The following KCNQ5 variants were observed in gnomAD, a reference collection of about 807,000 sequenced individuals.
KCNQ5 encodes potassium voltage-gated channel subfamily Q member 5, also known as potassium voltage-gated channel subfamily KQT member 5.
A neutral mutation model predicts 98.2 loss-of-function variants in KCNQ5; 30 were observed. The ratio of observed to expected loss-of-function variants is 0.31; its 90% confidence interval spans 0.23 to 0.41. The LOEUF is 0.41. KCNQ5 is among the 10% of genes least tolerant of loss of function. KCNQ5 has a pLI of 1.00. For synonymous variants in KCNQ5, 458 were observed against 449.4 expected (o/e 1.02, Z -0.24); for missense variants, 835 against 1,182.5 (o/e 0.71, Z 4.31).
intron 1 of KCNQ5, among the ~76,000 whole-genome samples, chr6:72,896,935 T>TTGGTTG: frequency 6.7e-6 from 1 of 149,718 alleles, no homozygotes; most frequent in African/African-American, 2.6e-5. Flanking sequence ...GTTTTTTGTT[T>TTGGTTG]GTTTGTTGGT....
chr6:72,915,339 G>A (rs1780089779), intron 1 of KCNQ5, among the ~76,000 whole-genome samples: 2 of 152,072 alleles, frequency 1.3e-5, no homozygotes, highest in South Asian at 2.1e-4. Context: ...TGCTTATACA[G>A]TCTGGCTTCA....
In KCNQ5 at chr6:73,086,885, G is replaced by C. The variant is rs147422028; in HGVS notation, c.918+8998G>C. ...GACCTGAAGGATGAAAAGGAGCCCT[G>C]GGAAGAGTGAGGAAAATGGCAATTC... On this transcript the variant is annotated intron_variant, in intron 5 of 13. Transcript: ENST00000370398. Among the ~76,000 whole-genome samples, 281 of 152,264 alleles carry C rather than the reference G, an allele frequency of 1.8e-3. 6 individuals carry two copies. In the East Asian group the frequency reaches 0.044, roughly 24 times the overall value.
At chr6:72,827,519 T>C (rs1468901225) in intron 1 of KCNQ5, among the ~76,000 whole-genome samples, 3 of 152,158 alleles carry the variant, frequency 2.0e-5, no homozygotes, top group Admixed American at 6.6e-5. Context: ...TGGCCATTTG[T>C]ATATCTTCCT....
At position 72,622,622 on chromosome 6, in the gene KCNQ5, G is replaced by A; in HGVS notation, c.398+35G>A. The A allele has an allele frequency of 6.2e-7, 1 of 1,608,106 alleles. No individual in the cohort carries two copies. Among genetic ancestry groups the A allele is most frequent in the South Asian group, 1.1e-5 (1 of 90,434 alleles). On this transcript the variant is annotated intron_variant, in intron 1 of 13. Transcript: ENST00000370398. This position sits in a 1 kb window ranked among gnomAD's most constrained non-coding sequence, Gnocchi z 6.0. ...CGCGCCCCCTGCTATGCCCGCTGCAGGGGACCACTGTCCCTGGCCCCCTGG... is the reference window on the plus strand; with the variant it reads ...CGCGCCCCCTGCTATGCCCGCTGCAAGGGACCACTGTCCCTGGCCCCCTGG...
intron 1 of KCNQ5, among the ~76,000 whole-genome samples, chr6:72,696,093 A>C (rs1331105151): frequency 6.6e-6 from 1 of 152,192 alleles, no homozygotes; most frequent in East Asian, 1.9e-4. Flanking sequence ...ATTTGGGAGA[A>C]TGTATATCCT....
intron 1 of KCNQ5, among the ~76,000 whole-genome samples, chr6:72,796,933 A>T (rs1774366260): frequency 6.6e-6 from 1 of 152,220 alleles, no homozygotes; most frequent in Non-Finnish European, 1.5e-5. Context: ...TCTCAGGCAG[A>T]TGAGTCCCTA....
chr6:72,947,348 A>G (rs555745389), intron 1 of KCNQ5, among the ~76,000 whole-genome samples: 2 of 152,306 alleles, frequency 1.3e-5, no homozygotes, highest in Admixed American at 6.5e-5. Flanking sequence ...ATCATCATCA[A>G]AAAATATTTA....
chr6:73,103,660 T>G (rs1774887460), intron 5 of KCNQ5, among the ~76,000 whole-genome samples: 1 of 151,572 alleles, frequency 6.6e-6, no homozygotes. Flanking sequence ...ACAGTTAAAC[T>G]CACAAAGATA....
At chr6:73,038,843 A>G (rs561908672) in intron 2 of KCNQ5, among the ~76,000 whole-genome samples, 82 of 152,194 alleles carry the variant, frequency 5.4e-4, no homozygotes, top group African/African-American at 1.9e-3. Context: ...TTTTGGTGTC[A>G]GGATAATACT....
chr6:72,704,265 C>T (rs1768964164), intron 1 of KCNQ5, among the ~76,000 whole-genome samples: 1 of 152,010 alleles, frequency 6.6e-6, no homozygotes, highest in Non-Finnish European at 1.5e-5. Context: ...ACAGTAAAAT[C>T]ATGTTAAATT....
At chr6:72,831,123 G>T (rs142445464) in intron 1 of KCNQ5, among the ~76,000 whole-genome samples, 4 of 151,978 alleles carry the variant, frequency 2.6e-5, no homozygotes, top group African/African-American at 4.8e-5. Flanking sequence ...ATTTTTACAC[G>T]GTTGGTGAGA....
chr6:72,782,541 ATGAATTAAT>A (rs1773540597), intron 1 of KCNQ5, among the ~76,000 whole-genome samples: 2 of 152,184 alleles, frequency 1.3e-5, no homozygotes, highest in African/African-American at 4.8e-5. Context: ...TGTTGTTTTG[ATGAATTAAT>A]CATATTAGGA....
At chr6:72,831,736 A>T (rs1007881253) in intron 1 of KCNQ5, among the ~76,000 whole-genome samples, 40 of 132,804 alleles carry the variant, frequency 3.0e-4, no homozygotes, top group South Asian at 8.8e-4. Flanking sequence ...AATTTAAAAA[A>T]AAAATAAAAT....
intron 1 of KCNQ5, among the ~76,000 whole-genome samples, chr6:72,730,940 T>C (rs1770523165): frequency 7.7e-6 from 1 of 129,196 alleles, no homozygotes; most frequent in South Asian, 2.4e-4. Flanking sequence ...AAGAACATAG[T>C]ACGCATTTCT....
intron 1 of KCNQ5, among the ~76,000 whole-genome samples, chr6:72,920,589 CT>C (rs1582018898): frequency 6.6e-6 from 1 of 152,256 alleles, no homozygotes; most frequent in East Asian, 1.9e-4. Context: ...AAACTCAAAC[CT>C]TTAACATTTT....
At chr6:72,796,171 CATT>C (rs1182449920) in intron 1 of KCNQ5, among the ~76,000 whole-genome samples, 2 of 151,892 alleles carry the variant, frequency 1.3e-5, no homozygotes, top group Non-Finnish European at 2.9e-5. Flanking sequence ...ATAGGCAAGT[CATT>C]ATTAAATATA....
At chr6:72,658,702 T>TC (rs1190949727) in intron 1 of KCNQ5, among the ~76,000 whole-genome samples, 1 of 150,238 alleles carries the variant, frequency 6.7e-6, no homozygotes, top group Non-Finnish European at 1.5e-5. Flanking sequence ...TGACTCAGCC[T>TC]CCCAAGTAGC....
chr6:72,902,815 G>A (rs1719399921), intron 1 of KCNQ5, among the ~76,000 whole-genome samples: 1 of 152,022 alleles, frequency 6.6e-6, no homozygotes, highest in Non-Finnish European at 1.5e-5. Context: ...TTTTGGTTAT[G>A]TCCTTTCCTG....
intron 1 of KCNQ5, among the ~76,000 whole-genome samples, chr6:72,820,807 A>G (rs1190500023): frequency 6.6e-6 from 1 of 152,186 alleles, no homozygotes; most frequent in Non-Finnish European, 1.5e-5. Context: ...CAAAGCCATA[A>G]CAACACATAC....
Sources: allele counts gnomAD v4.1 joint callset (sites outside exome capture counted in the v4.1 genomes callset), GRCh38; gene constraint gnomAD v4.1.1; non-coding constraint Gnocchi (gnomAD v3.1); transcripts MANE v1.5; gene names NCBI Gene and HGNC (gene_info 2026-07-23, HGNC 2026-07-21).